DPP6: variants seen among roughly 807,000 people sequenced by gnomAD.
The protein encoded by DPP6 is A-type potassium channel modulatory protein DPP6.
A neutral mutation model predicts 122.6 loss-of-function variants in DPP6; 69 were observed. The ratio of observed to expected loss-of-function variants is 0.56; its 90% CI spans 0.46 to 0.69. The LOEUF (loss-of-function observed/expected upper bound fraction) is 0.69. DPP6 is among the 30% of genes least tolerant of loss of function. The probability of loss-of-function intolerance (pLI) is 0.00; values close to 1 mark genes in which losing one functional copy is unlikely to be tolerated. For missense variants in DPP6, 928 were observed against 1,116.9 expected (o/e 0.83, Z 2.41); for synonymous variants, 418 against 433.1 (o/e 0.97, Z 0.43).
chr7:154,365,184 G>T (rs1326753039), intron 1 of DPP6, among the ~76,000 whole-genome samples: 3 of 152,204 alleles, frequency 2.0e-5, no homozygotes, highest in African/African-American at 7.2e-5. Context: ...GTAGGTTATT[G>T]TTGAGCCACA....
chr7:154,475,259 A>G, intron 3 of DPP6: 1 of 504,922 alleles, frequency 2.0e-6, no homozygotes, highest in Non-Finnish European at 3.7e-6. Flanking sequence ...GCATCCACAC[A>G]GCCTTCACTT....
intron 1 of DPP6, among the ~76,000 whole-genome samples, chr7:154,294,887 A>T (rs1205312258): frequency 1.3e-5 from 2 of 152,210 alleles, no homozygotes; most frequent in East Asian, 3.9e-4. Context: ...CTGAGCAGAC[A>T]GCCCCAGAAA....
At chr7:154,028,246 A>G in intron 1 of DPP6, among the ~76,000 whole-genome samples, 1 of 151,966 alleles carries the variant, frequency 6.6e-6, no homozygotes, top group Non-Finnish European at 1.5e-5. Flanking sequence ...CCCCGAATAC[A>G]CCCTAATGTG....
At chr7:154,060,633 C>A (rs1801655999) in intron 1 of DPP6, among the ~76,000 whole-genome samples, 1 of 145,918 alleles carries the variant, frequency 6.9e-6, no homozygotes, top group Non-Finnish European at 1.5e-5. Context: ...ACCCCCATCG[C>A]AGGAGGGGGA....
chr7:154,787,444 A>T (rs1387017630), intron 10 of DPP6, among the ~76,000 whole-genome samples: 1 of 152,196 alleles, frequency 6.6e-6, no homozygotes, highest in Admixed American at 6.5e-5. Context: ...GTGTGCATTA[A>T]AGGTGCCTGT....
chr7:153,953,606 T>C (rs1209149828), intron 1 of DPP6, among the ~76,000 whole-genome samples: 1 of 152,138 alleles, frequency 6.6e-6, no homozygotes, highest in African/African-American at 2.4e-5. Flanking sequence ...GTATCCCACT[T>C]TCCTCTCCAT....
At chr7:153,911,290 A>C (rs562732533) in intron 1 of DPP6, among the ~76,000 whole-genome samples, 2 of 152,112 alleles carry the variant, frequency 1.3e-5, no homozygotes, top group South Asian at 4.2e-4. Flanking sequence ...CGTTGTCCAC[A>C]CTCTGTGCCC....
intron 2 of DPP6, among the ~76,000 whole-genome samples, chr7:154,462,703 G>T (rs567593082): frequency 2.6e-5 from 4 of 151,884 alleles, no homozygotes; most frequent in Admixed American, 6.6e-5. Context: ...ACAACGTGCA[G>T]GTTTGTTACA....
chr7:154,670,705 G>A (rs1247072550), intron 7 of DPP6, among the ~76,000 whole-genome samples: 1 of 152,116 alleles, frequency 6.6e-6, no homozygotes, highest in East Asian at 1.9e-4. Flanking sequence ...TCCTAAAATA[G>A]CACAAAAAAT....
chr7:154,636,269 A>G (rs1835719747), intron 5 of DPP6, among the ~76,000 whole-genome samples: 1 of 152,144 alleles, frequency 6.6e-6, no homozygotes, highest in African/African-American at 2.4e-5. Context: ...TTGCATCTGA[A>G]GAAGCCGTTC....
At position 154,569,721 on chromosome 7, in the gene DPP6, A is replaced by G. The variant is rs1261294789; in HGVS notation, c.627+2805A>G. ...CAATAAAATTTTGGTATATTGGGTTACCACTGCACTAAAAAAAAAAAAAAA... is the reference window on the plus strand; with the variant it reads ...CAATAAAATTTTGGTATATTGGGTTGCCACTGCACTAAAAAAAAAAAAAAA... On this transcript the variant is annotated intron_variant, in intron 5 of 25. Coordinates refer to ENST00000377770, the MANE Select transcript of DPP6 (RefSeq NM_130797.4). 5.1e-4 allele frequency among the ~76,000 whole-genome samples: 76 copies of G among 150,412 alleles called. 3 individuals carry two copies. Among genetic ancestry groups the G allele is most frequent in the African/African-American group, 1.8e-3 (73 of 40,558 alleles).
intron 1 of DPP6, among the ~76,000 whole-genome samples, chr7:154,351,183 C>G (rs570751272): frequency 1.3e-5 from 2 of 152,326 alleles, no homozygotes; most frequent in Admixed American, 6.5e-5. Flanking sequence ...AAAGCTTATG[C>G]TTTTGTTAAA....
intron 2 of DPP6, among the ~76,000 whole-genome samples, chr7:154,459,291 G>C: frequency 6.6e-6 from 1 of 152,146 alleles, no homozygotes; most frequent in South Asian, 2.1e-4. Flanking sequence ...TATTCTCGTA[G>C]GCATCGGGTG....
chr7:153,891,434 GATAA>G (rs1216725979), intron 1 of DPP6, among the ~76,000 whole-genome samples: 1 of 151,878 alleles, frequency 6.6e-6, no homozygotes, highest in African/African-American at 2.4e-5. Context: ...TATACTAAGA[GATAA>G]ATATTTTTTA....
the DPP6 span, among the ~76,000 whole-genome samples, chr7:153,776,719 G>A: frequency 6.6e-6 from 1 of 152,048 alleles, no homozygotes; most frequent in African/African-American, 2.4e-5. Context: ...AAATGGTGCT[G>A]GGAAGACGGG....
chr7:153,969,832 C>G (rs1482293615), intron 1 of DPP6, among the ~76,000 whole-genome samples: 2 of 151,262 alleles, frequency 1.3e-5, no homozygotes, highest in African/African-American at 4.9e-5. Context: ...TTTTTACAGT[C>G]AGTCCATTCC....
intron 3 of DPP6, among the ~76,000 whole-genome samples, chr7:154,480,927 C>G (rs1190092534): frequency 6.6e-6 from 1 of 152,206 alleles, no homozygotes; most frequent in Non-Finnish European, 1.5e-5. Context: ...TAACATCCCA[C>G]ATCCGATCCA....
intron 1 of DPP6, among the ~76,000 whole-genome samples, chr7:153,971,098 G>A (rs570469130): frequency 1.9e-4 from 29 of 152,208 alleles, no homozygotes; most frequent in African/African-American, 6.7e-4. Context: ...AACATTAAGT[G>A]TATTTGCGTG....
At chr7:154,368,650 C>T (rs1016852633) in intron 1 of DPP6, among the ~76,000 whole-genome samples, 3 of 152,176 alleles carry the variant, frequency 2.0e-5, no homozygotes, top group Non-Finnish European at 2.9e-5. Context: ...TAGTAATTCT[C>T]GATCGCTGAA....
Sources: allele counts gnomAD v4.1 joint callset (sites outside exome capture counted in the v4.1 genomes callset), GRCh38; gene constraint gnomAD v4.1.1; transcripts MANE v1.5; gene names NCBI Gene and HGNC (gene_info 2026-07-23, HGNC 2026-07-21).